SEMA3A: variants seen among roughly 807,000 people sequenced by gnomAD.
The protein encoded by SEMA3A is semaphorin-3A.
In SEMA3A, 29 loss-of-function variants were observed where a neutral mutation model predicts 97.9. That is an observed-to-expected ratio of 0.30 (90% CI 0.22 to 0.40). The LOEUF (loss-of-function observed/expected upper bound fraction) is 0.40. SEMA3A is among the 10% of genes least tolerant of loss of function. The pLI, the probability that SEMA3A is intolerant of heterozygous loss-of-function variation, is 1.00. For synonymous variants in SEMA3A, 321 were observed against 323.7 expected (o/e 0.99, Z 0.09); for missense variants, 763 against 951.3 (o/e 0.80, Z 2.60).
chr7:84,451,209 A>G (rs1253240168), intron 1 of SEMA3A, among the ~76,000 whole-genome samples: 1 of 152,108 alleles, frequency 6.6e-6, no homozygotes, highest in Non-Finnish European at 1.5e-5. Flanking sequence ...GTTCTATTTC[A>G]TTATTTTTCA....
intron 6 of SEMA3A, among the ~76,000 whole-genome samples, chr7:84,045,815 A>G (rs1273419428): frequency 1.3e-5 from 2 of 151,998 alleles, no homozygotes; most frequent in Admixed American, 1.3e-4. Flanking sequence ...TAAGATGATT[A>G]AGATTAAATG....
chr7:84,078,381 G>C (rs2107738), intron 4 of SEMA3A, among the ~76,000 whole-genome samples: 1 of 152,024 alleles, frequency 6.6e-6, no homozygotes, highest in African/African-American at 2.4e-5. Flanking sequence ...TTTTAAAAAA[G>C]CTATTACTAT....
In SEMA3A at chr7:84,194,561, C is replaced by T; in HGVS notation, c.26G>A (p.Cys9Tyr). The T allele has an allele frequency of 6.2e-7, 1 of 1,612,766 alleles. No homozygotes were observed. The highest frequency in any genetic ancestry group is 1.3e-5 in the African/African-American group (1 of 74,990). The change falls in exon 1 of 17, where the codon TGT (cysteine) becomes TAT (tyrosine). Residue 9 changes from cysteine (C) to tyrosine (Y), a missense_variant. This residue lies in a region of SEMA3A where 85 missense variants were observed against 70.0 expected (regional missense o/e 1.21). Coordinates refer to ENST00000265362, the MANE Select transcript of SEMA3A (RefSeq NM_006080.3). ...TGTAAGTAATACTCCCCAGAAAAGA[C>T]AGACAATCCTAGTTAACCAGCCCAT... MGWLTRIV[C>Y]LFWGVLLTAR... is the part of the protein sequence containing the mutation.
At chr7:84,322,517 T>C (rs747865679) in intron 2 of SEMA3A, among the ~76,000 whole-genome samples, 3 of 151,954 alleles carry the variant, frequency 2.0e-5, no homozygotes, top group Non-Finnish European at 4.4e-5. Flanking sequence ...CTGGTAGTAG[T>C]GAATAAGTTT....
chr7:84,116,810 T>C (rs1375086177), intron 3 of SEMA3A, among the ~76,000 whole-genome samples: 2 of 152,206 alleles, frequency 1.3e-5, no homozygotes, highest in Non-Finnish European at 2.9e-5. Context: ...CTTGGACTTC[T>C]GGCCTCCAGA....
intron 1 of SEMA3A, among the ~76,000 whole-genome samples, chr7:84,172,767 G>A (rs542847668): frequency 6.6e-6 from 1 of 152,282 alleles, no homozygotes; most frequent in South Asian, 2.1e-4. Flanking sequence ...TTCTTAGCTT[G>A]CATGCTGTCT....
At chr7:84,100,165 G>T (rs1794915479) in intron 4 of SEMA3A, among the ~76,000 whole-genome samples, 4 of 152,024 alleles carry the variant, frequency 2.6e-5, no homozygotes, top group Admixed American at 1.3e-4. Flanking sequence ...GTTAGAATAA[G>T]ATGGCCTTTG....
At position 84,203,526 on chromosome 7, in the gene SEMA3A, ATTTT is replaced by A. The variant is rs35519031; in HGVS notation, c.-82-8862_-82-8859del. 1.8e-3 allele frequency among the ~76,000 whole-genome samples: 47 copies of A among 25,670 alleles called. 1 individual carries two copies. The highest frequency in any genetic ancestry group is 3.4e-3 in the African/African-American group (26 of 7,566). 16.8% of individuals were successfully genotyped at this position (25,670 alleles called of 152,430 possible). On this transcript the variant is annotated intron_variant, in intron 3 of 3. Transcript: ENST00000424555. The stretch of plus-strand genomic sequence containing the variant: ...TGTATATATATATATATATATATAT[ATTTT>A]TTTTTTTTTTTTTTTTCTGAGATAG...
intron 1 of SEMA3A, among the ~76,000 whole-genome samples, chr7:84,417,577 A>G (rs1804469993): frequency 6.6e-6 from 1 of 152,222 alleles, no homozygotes; most frequent in African/African-American, 2.4e-5. Context: ...ACTTTACCTA[A>G]TACTATGGAA....
chr7:84,206,079 T>C (rs186412620), intron 3 of SEMA3A, among the ~76,000 whole-genome samples: 186 of 152,264 alleles, frequency 1.2e-3, no homozygotes, highest in African/African-American at 3.9e-3. Context: ...TATCTAACAG[T>C]GACGGGCTGT....
chr7:84,447,584 G>T (rs1290514181), intron 1 of SEMA3A, among the ~76,000 whole-genome samples: 1 of 152,106 alleles, frequency 6.6e-6, no homozygotes, highest in African/African-American at 2.4e-5. Context: ...CCACTTCGGG[G>T]TTTCCTGGAC....
At chr7:84,320,513 C>A (rs1801619543) in intron 2 of SEMA3A, among the ~76,000 whole-genome samples, 1 of 151,960 alleles carries the variant, frequency 6.6e-6, no homozygotes. Context: ...TTATTGAATG[C>A]ATGTAGTTGG....
intron 1 of SEMA3A, among the ~76,000 whole-genome samples, chr7:84,384,680 C>T (rs571109600): frequency 1.6e-3 from 246 of 152,180 alleles, no homozygotes; most frequent in Non-Finnish European, 2.6e-3. Context: ...TTGGCAACAA[C>T]TTAGAACAAG....
intron 1 of SEMA3A, among the ~76,000 whole-genome samples, chr7:84,411,919 T>C (rs1804279662): frequency 1.3e-5 from 2 of 152,142 alleles, no homozygotes; most frequent in Non-Finnish European, 2.9e-5. Flanking sequence ...ACCTTGTATC[T>C]CTCTCCATTA....
At chr7:84,434,808 C>T (rs1305128381) in intron 1 of SEMA3A, among the ~76,000 whole-genome samples, 1 of 152,104 alleles carries the variant, frequency 6.6e-6, no homozygotes, top group Non-Finnish European at 1.5e-5. Context: ...TAAAATCCAA[C>T]ATCCCAACAT....
intron 4 of SEMA3A, among the ~76,000 whole-genome samples, chr7:84,062,663 G>C (rs927565844): frequency 6.6e-6 from 1 of 152,170 alleles, no homozygotes; most frequent in Non-Finnish European, 1.5e-5. Flanking sequence ...GTGACAGACG[G>C]CACCTGGAAA....
intron 3 of SEMA3A, among the ~76,000 whole-genome samples, chr7:84,269,063 C>T (rs985241727): frequency 1.3e-5 from 2 of 152,064 alleles, no homozygotes; most frequent in Non-Finnish European, 2.9e-5. Flanking sequence ...TAATCATTCT[C>T]TCTCAGAAAT....
chr7:84,081,755 C>A (rs923980768), intron 4 of SEMA3A, among the ~76,000 whole-genome samples: 1 of 151,952 alleles, frequency 6.6e-6, no homozygotes, highest in Non-Finnish European at 1.5e-5. Flanking sequence ...CTACTTATTA[C>A]ATCCATATAT....
chr7:83,983,221 TTTTC>T (rs375603927), intron 13 of SEMA3A, among the ~76,000 whole-genome samples: 229 of 117,868 alleles, frequency 1.9e-3, no homozygotes, highest in African/African-American at 2.2e-3. Context: ...TTCCTTTTCT[TTTTC>T]TTTCTTTCTT....
Sources: gnomAD v4.1 joint callset for allele counts (sites outside exome capture counted in the v4.1 genomes callset) on GRCh38, gnomAD v4.1.1 for gene constraint, gnomAD v4.1.1 regional missense constraint, MANE v1.5 for transcripts, NCBI Gene and HGNC (gene_info 2026-07-23, HGNC 2026-07-21) for gene names.